EEF1AKMT3: variants seen among roughly 807,000 people sequenced by gnomAD.
EEF1AKMT3 encodes the protein eEF1A-KMT3.
Under a neutral mutation model 17.8 loss-of-function variants are expected in EEF1AKMT3, and 17 were observed. The observed-to-expected ratio is 0.96, with a 90% CI of 0.65 to 1.43. The LOEUF (loss-of-function observed/expected upper bound fraction) is 1.43, where lower values mean the gene tolerates loss of function less well. EEF1AKMT3 is among the 40% of genes most tolerant of loss of function. The pLI is 0.00. For synonymous variants in EEF1AKMT3, 116 were observed against 126.5 expected (o/e 0.92, Z 0.56); for missense variants, 244 against 285.8 (o/e 0.85, Z 1.06).
intron 2 of EEF1AKMT3, chr12:57,774,795 C>A (rs758829243): frequency 6.3e-7 from 1 of 1,579,990 alleles, no homozygotes; most frequent in East Asian, 2.3e-5. Context: ...AGTGTGAACA[C>A]AGCAGGCTCA....
rs755372793 is a variant in EEF1AKMT3, at chr12:57,780,455, G to C, written c.490G>C (p.Gly164Arg). The C allele has an allele frequency of 6.2e-7, 1 of 1,614,082 alleles. No homozygotes were observed. ...GGAACCCACCTTCCCTCTGCTGCTG[G>C]GGACCCTCCAACACCTGTGCAGGCC... ...YLEPTFPLLL[G>R]TLQHLCRPHG... Residue 164 changes from glycine to arginine, a missense_variant, in exon 3 of 3, where the codon GGG becomes CGG. Physicochemically the swap from Gly to Arg is moderately radical, Grantham distance 125. Transcript: ENST00000300209.
chr12:57,781,566 A>AG lies in EEF1AKMT3; in HGVS notation c.*920_*921insG, dbSNP rs34277814. The AG allele has an allele frequency of 0.69, 105,327 of 151,776 alleles. 37,730 individuals are homozygous for AG. Among genetic ancestry groups the AG allele is most frequent in the East Asian group, 0.88 (4,514 of 5,156 alleles). 9.4% of individuals were successfully genotyped at this position (151,776 alleles called of 1,614,324 possible). ...GCTGCAGAGCTGTCCTTTGGACTGT[A>AG]TTTCTTCATGCTTTCCAGAGTTAGA... On this transcript the variant is annotated 3_prime_UTR_variant, in exon 3 of 3. Coordinates refer to ENST00000300209, the MANE Select transcript of EEF1AKMT3 (RefSeq NM_015433.3).
In EEF1AKMT3 at chr12:57,781,755, C is replaced by T. The variant is rs1158888649; in HGVS notation, c.*1109C>T. ...TGTGTTTTGCCTTAACCTCTTTTCT[C>T]TTCCCACATTGGTACTTCTGGTTGG... On this transcript the variant is annotated 3_prime_UTR_variant, in exon 3 of 3. Coordinates refer to ENST00000300209, the MANE Select transcript of EEF1AKMT3 (RefSeq NM_015433.3). 1 of 152,118 alleles carries T rather than the reference C, an allele frequency of 6.6e-6. No individual in the cohort carries two copies. Among genetic ancestry groups the T allele is most frequent in the African/African-American group, 2.4e-5 (1 of 41,406 alleles). The allele number at this position is 152,118 out of a possible 1,614,324, so 9.4% of individuals were successfully genotyped here.
At position 57,779,004 on chromosome 12, in the gene EEF1AKMT3, C is replaced by T. The variant is rs572941034; in HGVS notation, c.290-1251C>T. 1.8e-4 allele frequency among the ~76,000 whole-genome samples: 27 copies of T among 152,048 alleles called. No homozygotes were observed. The South Asian group carries it at 1.9e-3, about 11-fold the overall frequency. On this transcript the variant is annotated intron_variant, in intron 2 of 2. Coordinates refer to ENST00000300209, the MANE Select transcript of EEF1AKMT3 (RefSeq NM_015433.3). ...CCTCCCTAGTAGCTGGCATTACAGG[C>T]GCCCGCCACCACACCCAGCTAATTT...
intron 2 of EEF1AKMT3, among the ~76,000 whole-genome samples, chr12:57,776,348 C>T (rs1043747768): frequency 6.6e-6 from 1 of 152,220 alleles, no homozygotes; most frequent in Non-Finnish European, 1.5e-5. Context: ...TGCATCCCTC[C>T]TTCCTCAGCT....
Position 57,772,953 on chromosome 12 carries a change from A to C in EEF1AKMT3, c.177+52A>C. The C allele has an allele frequency of 1.9e-6, 3 of 1,612,116 alleles. No individual in the cohort carries two copies. The highest frequency in any genetic ancestry group is 2.5e-6 in the Non-Finnish European group (3 of 1,178,756). On this transcript the variant is annotated intron_variant, in intron 1 of 2. Transcript: ENST00000300209. The surrounding 1 kb of genome is among the most constrained non-coding windows in gnomAD (Gnocchi z 4.1). ...GGTCCGTGGGAGGTCCAGATCCCGG[A>C]CTCCGCCTCTCCCATATGGAGCCAT... is the stretch of plus-strand genomic sequence containing the variant.
intron 2 of EEF1AKMT3, 108 bp downstream of exon 2, chr12:57,773,236 C>A: frequency 9.7e-7 from 1 of 1,029,086 alleles, no homozygotes. Context: ...CCCAGTCTAA[C>A]CCCTTCTTTT....
chr12:57,777,552 C>G (rs1955487615), intron 2 of EEF1AKMT3, among the ~76,000 whole-genome samples: 1 of 152,172 alleles, frequency 6.6e-6, no homozygotes, highest in African/African-American at 2.4e-5. Context: ...TCCAGGGGAC[C>G]ACACTTCTGG....
Position 57,780,342 on chromosome 12 carries a change from C to T in EEF1AKMT3, c.377C>T (p.Ala126Val). Residue 126 changes from alanine to valine, a missense_variant, in exon 3 of 3, where the codon GCC becomes GTC. Transcript: ENST00000300209. ...VQANVPAGGQAQVRALSWGID... is the reference protein window; with the variant it reads ...VQANVPAGGQVQVRALSWGID... The stretch of plus-strand genomic sequence containing the variant: ...GCCAATGTGCCAGCTGGAGGCCAGG[C>T]CCAGGTGCGTGCCTTGTCCTGGGGG... 6.2e-7 allele frequency: 1 copy of T among 1,614,208 alleles called. No homozygotes were observed. Among genetic ancestry groups the T allele is most frequent in the Non-Finnish European group, 8.5e-7 (1 of 1,180,042 alleles).
chr12:57,774,704 G>C, intron 2 of EEF1AKMT3: 1 of 1,613,252 alleles, frequency 6.2e-7, no homozygotes, highest in Non-Finnish European at 8.5e-7. Context: ...CGTGGAGCCT[G>C]TGGACATGCT....
At position 57,780,993 on chromosome 12, in the gene EEF1AKMT3, T is replaced by G. The variant is rs977369386; in HGVS notation, c.*347T>G. On this transcript the variant is annotated 3_prime_UTR_variant, in exon 3 of 3. Transcript: ENST00000300209. ...GTGATTGTAGACAGACTGTCACTGA[T>G]CACTTCCATTCCTGTTGCTGTTTAC... The G allele has an allele frequency of 1.5e-4, 46 of 312,118 alleles. No homozygotes were observed. In the Admixed American group the frequency reaches 1.9e-3, roughly 13 times the overall value. 19.3% of individuals were successfully genotyped at this position (312,118 alleles called of 1,614,324 possible). A position where few individuals can be genotyped will look rare whatever the true frequency, so the allele number is the denominator to read the frequency against.
intron 2 of EEF1AKMT3, among the ~76,000 whole-genome samples, chr12:57,779,896 G>A (rs1955501754): frequency 6.6e-6 from 1 of 152,162 alleles, no homozygotes; most frequent in Non-Finnish European, 1.5e-5. Context: ...TTAGGGCTCA[G>A]CTGAGGTCAC....
rs1432017537 is a variant in EEF1AKMT3, at chr12:57,781,805, C to G, written c.*1159C>G. On this transcript the variant is annotated 3_prime_UTR_variant, in exon 3 of 3. Coordinates refer to ENST00000300209, the MANE Select transcript of EEF1AKMT3 (RefSeq NM_015433.3). ...GGGCTCTCTTTACTTACTGCTTAGG[C>G]ACATAGTCACCTTCTCTGGACTCCC... 1 of 152,210 alleles carries G rather than the reference C, an allele frequency of 6.6e-6. No individual in the cohort carries two copies. The highest frequency in any genetic ancestry group is 1.5e-5 in the Non-Finnish European group (1 of 68,074). The allele number at this position is 152,210 out of a possible 1,614,324, so 9.4% of individuals were successfully genotyped here.
chr12:57,781,005 C>T lies in EEF1AKMT3; in HGVS notation c.*359C>T, dbSNP rs1955510390. 3.5e-6 allele frequency: 1 copy of T among 283,294 alleles called. No individual in the cohort carries two copies. Among genetic ancestry groups the T allele is most frequent in the Non-Finnish European group, 6.6e-6 (1 of 150,424 alleles). 17.5% of individuals were successfully genotyped at this position (283,294 alleles called of 1,614,324 possible). On this transcript the variant is annotated 3_prime_UTR_variant, in exon 3 of 3. Transcript: ENST00000300209. ...AGACTGTCACTGATCACTTCCATTC[C>T]TGTTGCTGTTTACACAGAATGGACT...
At chr12:57,776,353 T>C (rs1443438086) in intron 2 of EEF1AKMT3, among the ~76,000 whole-genome samples, 1 of 152,198 alleles carries the variant, frequency 6.6e-6, no homozygotes, top group East Asian at 1.9e-4. Flanking sequence ...CCCTCCTTCC[T>C]CAGCTCAAAC....
intron 2 of EEF1AKMT3, among the ~76,000 whole-genome samples, chr12:57,779,008 C>T (rs150164459): frequency 2.9e-3 from 436 of 151,888 alleles, no homozygotes; most frequent in African/African-American, 7.5e-3. Flanking sequence ...TACAGGCGCC[C>T]GCCACCACAC....
rs760905778 is a variant in EEF1AKMT3 at position 57,780,530 on chromosome 12, G to T, written c.565G>T (p.Glu189Ter). ...ASKMRKEHGTESFFQHLLPQH... is the reference protein window; with the variant it reads ...ASKMRKEHGT ...CAAGATGAGAAAGGAGCATGGGACA[G>T]AGAGCTTCTTTCAGCACCTCCTGCC... The change falls in exon 3 of 3, where the codon GAG becomes TAG. Residue 189 changes from glutamate (E) to a stop codon, truncating the protein, a stop_gained. Coordinates refer to ENST00000300209, the MANE Select transcript of EEF1AKMT3 (RefSeq NM_015433.3). LOFTEE classifies it high-confidence loss of function. 1 of 1,614,140 alleles carries T rather than the reference G, an allele frequency of 6.2e-7. No homozygotes were observed. Among genetic ancestry groups the T allele is most frequent in the South Asian group, 1.1e-5 (1 of 91,086 alleles).
At chr12:57,777,071 T>C (rs1196068167) in intron 2 of EEF1AKMT3, among the ~76,000 whole-genome samples, 2 of 152,220 alleles carry the variant, frequency 1.3e-5, no homozygotes, top group African/African-American at 2.4e-5. Flanking sequence ...CCTGTTACCA[T>C]GGATGAACAC....
At position 57,772,633 on chromosome 12, in the gene EEF1AKMT3, C is replaced by A; in HGVS notation, c.-92C>A. 1 of 1,391,704 alleles carries A rather than the reference C, an allele frequency of 7.2e-7. No individual in the cohort carries two copies. Among genetic ancestry groups the A allele is most frequent in the Non-Finnish European group, 9.6e-7 (1 of 1,038,822 alleles). 86.2% of individuals were successfully genotyped at this position (1,391,704 alleles called of 1,614,324 possible). On this transcript the variant is annotated 5_prime_UTR_variant, in exon 1 of 3. Coordinates refer to ENST00000300209, the MANE Select transcript of EEF1AKMT3 (RefSeq NM_015433.3). This position sits in a 1 kb window ranked among gnomAD's most constrained non-coding sequence, Gnocchi z 4.1. Reference sequence around the variant, plus strand: ...GGCGGGGCTCGTTCCACAGGGACACCACGACGGCTCGCGGCCCCCAGCCTC... The same window carrying A: ...GGCGGGGCTCGTTCCACAGGGACACAACGACGGCTCGCGGCCCCCAGCCTC...
Sources: gnomAD v4.1 joint callset for allele counts (sites outside exome capture counted in the v4.1 genomes callset) on GRCh38, gnomAD v4.1.1 for gene constraint, Gnocchi (gnomAD v3.1) non-coding constraint, MANE v1.5 for transcripts, NCBI Gene and HGNC (gene_info 2026-07-23, HGNC 2026-07-21) for gene names.